The following STARD8 variants were observed in gnomAD, a reference collection of about 807,000 sequenced individuals.
STARD8 encodes the protein stAR-related lipid transfer protein 8.
A neutral mutation model predicts 69.4 loss-of-function variants in STARD8; 25 were observed. That is an observed-to-expected ratio of 0.36 (90% CI 0.26 to 0.50). The LOEUF (loss-of-function observed/expected upper bound fraction) is 0.50, where lower values mean the gene tolerates loss of function less well. STARD8 is among the 20% of genes least tolerant of loss of function. STARD8 has a pLI of 0.96. For synonymous variants in STARD8, 389 were observed against 374.6 expected (o/e 1.04, Z -0.45); for missense variants, 921 against 932.5 (o/e 0.99, Z 0.16).
At position 68,651,705 on chromosome X, in the gene STARD8, G is replaced by A. The variant is rs748450870; in HGVS notation, c.45+3778G>A. Among the ~76,000 whole-genome samples, 20 of 110,577 alleles carry A rather than the reference G, an allele frequency of 1.8e-4. 1 individual carries two copies. In the South Asian group the frequency reaches 5.9e-3, roughly 33 times the overall value. On this transcript the variant is annotated intron_variant, in intron 1 of 14. Transcript: ENST00000374599. ...GAGGAGGGGTGAAGCACACAAACTT[G>A]GGTTTCAATTCCACCCCACACCCAC...
chrX:68,656,730 C>A, intron 1 of STARD8, among the ~76,000 whole-genome samples: 1 of 111,203 alleles, frequency 9.0e-6, no homozygotes, highest in African/African-American at 3.3e-5. Context: ...AAGATGGAAA[C>A]CATCATTCTC....
intron 2 of STARD8, among the ~76,000 whole-genome samples, chrX:68,677,178 C>T (rs758892348): frequency 4.7e-4 from 52 of 110,979 alleles, no homozygotes; most frequent in Non-Finnish European, 7.9e-4. Flanking sequence ...TTGAACAGAG[C>T]GTTGGCTCTG....
At chrX:68,653,693 C>T (rs1313999100) in intron 1 of STARD8, among the ~76,000 whole-genome samples, 2 of 90,840 alleles carry the variant, frequency 2.2e-5, no homozygotes, top group Non-Finnish European at 4.4e-5. Flanking sequence ...CACACACACA[C>T]CACACCACAC....
intron 2 of STARD8, among the ~76,000 whole-genome samples, chrX:68,687,609 A>G (rs886083079): frequency 1.8e-5 from 2 of 112,215 alleles, no homozygotes; most frequent in Non-Finnish European, 3.8e-5. Context: ...GATTCTGAGA[A>G]CAGACTCTCT....
At chrX:68,697,363 G>A (rs1450943551) in intron 2 of STARD8, among the ~76,000 whole-genome samples, 1 of 112,060 alleles carries the variant, frequency 8.9e-6, no homozygotes, top group Non-Finnish European at 1.9e-5. Context: ...GCCCAGGAAA[G>A]GTCCCAGCCC....
chrX:68,692,323 A>G (rs188689523), intron 2 of STARD8, among the ~76,000 whole-genome samples: 1 of 112,088 alleles, frequency 8.9e-6, no homozygotes, highest in African/African-American at 3.2e-5. Context: ...CAGTGGTGGT[A>G]GTGTCACTTT....
intron 1 of STARD8, among the ~76,000 whole-genome samples, chrX:68,661,966 CTCTCTCTTTCTTTCTTTCTTTCTTTCTT>C (rs2079650896): frequency 2.8e-5 from 2 of 71,939 alleles, no homozygotes; most frequent in African/African-American, 1.6e-4. Flanking sequence ...CTCTCTCTCT[CTCTCTCTTTCTTTCTTTCTTTCTTTCTT>C]TCTTTCTTTC....
intron 1 of STARD8, among the ~76,000 whole-genome samples, chrX:68,664,485 C>T (rs2079670626): frequency 8.9e-6 from 1 of 112,045 alleles, no homozygotes; most frequent in African/African-American, 3.2e-5. Flanking sequence ...TTACCCTGGC[C>T]TTAGCCTCTC....
Position 68,647,713 on chromosome X carries a change from C to G in STARD8, c.-170C>G, listed in dbSNP as rs1262948187. 1.2e-5 allele frequency: 7 copies of G among 590,567 alleles called. No homozygotes were observed. The highest frequency in any genetic ancestry group is 4.8e-5 in the African/African-American group (2 of 41,638). The allele number at this position is 590,567 out of a possible 1,213,427, so 48.7% of individuals were successfully genotyped here. On this transcript the variant is annotated 5_prime_UTR_variant, in exon 1 of 15. Transcript: ENST00000374599. ...GGCGCCCGCTGTCGAGGCAGCTGAGCCCCGGCAACCGCTGCTCTCCGCCTC... is the reference window on the plus strand; with the variant it reads ...GGCGCCCGCTGTCGAGGCAGCTGAGGCCCGGCAACCGCTGCTCTCCGCCTC...
At chrX:68,650,871 T>C (rs1444805523) in intron 1 of STARD8, among the ~76,000 whole-genome samples, 1 of 111,233 alleles carries the variant, frequency 9.0e-6, no homozygotes, top group Admixed American at 9.4e-5. Context: ...CAAGAGAAGG[T>C]TGAGGATCTC....
intron 2 of STARD8, among the ~76,000 whole-genome samples, chrX:68,667,633 T>C (rs748206475): frequency 9.0e-6 from 1 of 110,983 alleles, no homozygotes; most frequent in East Asian, 2.8e-4. Context: ...TTCTTGGCCC[T>C]CGATGAGTTT....
chrX:68,653,008 CCACCACA>C (rs2079567616), intron 1 of STARD8, among the ~76,000 whole-genome samples: 1 of 17,617 alleles, frequency 5.7e-5, no homozygotes, highest in African/African-American at 2.0e-4. Flanking sequence ...CACACACACA[CCACCACA>C]CACACACACC....
At chrX:68,675,887 A>G (rs1309937662) in intron 2 of STARD8, among the ~76,000 whole-genome samples, 1 of 111,635 alleles carries the variant, frequency 9.0e-6, no homozygotes, top group Non-Finnish European at 1.9e-5. Context: ...GGGCTGAAAT[A>G]CAACCAGGCA....
rs1569353727 is a variant in STARD8 at position 68,661,964 on chromosome X, C to CTT, written c.46-3534_46-3533insTT. ...CTCCTTCCTCTCTCTCTCTCTCTCT[C>CTT]TCTCTCTCTTTCTTTCTTTCTTTCT... On this transcript the variant is annotated intron_variant, in intron 1 of 14. Transcript: ENST00000374599. Among the ~76,000 whole-genome samples, 463 of 79,379 alleles carry CTT rather than the reference C, an allele frequency of 5.8e-3. 6 individuals are homozygous for CTT. The highest frequency in any genetic ancestry group is 0.032 in the African/African-American group (444 of 13,775). The allele number at this position is 79,379 out of a possible 115,157, so 68.9% of individuals were successfully genotyped here.
intron 2 of STARD8, among the ~76,000 whole-genome samples, chrX:68,685,411 T>C (rs951468733): frequency 3.1e-4 from 34 of 111,441 alleles, no homozygotes; most frequent in African/African-American, 1.1e-3. Context: ...TTTGGCCTTA[T>C]CTCCATTGAA....
chrX:68,681,569 A>G (rs1322524053), intron 2 of STARD8, among the ~76,000 whole-genome samples: 1 of 112,779 alleles, frequency 8.9e-6, no homozygotes, highest in Non-Finnish European at 1.9e-5. Flanking sequence ...ACCAAAAGCA[A>G]CAAACCCCAA....
intron 2 of STARD8, among the ~76,000 whole-genome samples, chrX:68,670,782 G>A (rs1015320735): frequency 1.8e-5 from 2 of 111,439 alleles, no homozygotes; most frequent in African/African-American, 3.3e-5. Context: ...TCCAGAATCC[G>A]CTTTCTTGGT....
At chrX:68,720,530 C>T (rs2080139186) in intron 8 of STARD8, 107 bp downstream of exon 8, 4 of 969,460 alleles carry the variant, frequency 4.1e-6, no homozygotes, top group Non-Finnish European at 5.4e-6. Flanking sequence ...TCTGGCCTTC[C>T]CCCTCACTTG....
chrX:68,703,712 C>T (rs982123871), intron 2 of STARD8, among the ~76,000 whole-genome samples: 12 of 112,056 alleles, frequency 1.1e-4, no homozygotes, highest in Non-Finnish European at 2.1e-4. Context: ...GGGATGCAGA[C>T]GTGGTGGCAC....
Sources: allele counts gnomAD v4.1 joint callset (sites outside exome capture counted in the v4.1 genomes callset), GRCh38; gene constraint gnomAD v4.1.1; transcripts MANE v1.5; gene names NCBI Gene and HGNC (gene_info 2026-07-23, HGNC 2026-07-21).